Variants in ANK2 observed in about 807,000 individuals in gnomAD.
The protein encoded by ANK2 is ankyrin 2, also known as ankyrin-2.
Under a neutral mutation model 360.5 loss-of-function variants are expected in ANK2, and 83 were observed. The observed-to-expected ratio is 0.23, with a 90% CI of 0.19 to 0.28. The LOEUF is 0.28. Among genes scored for constraint, ANK2 ranks in the 10% least tolerant of loss-of-function variants. ANK2 has a pLI of 1.00. For synonymous variants in ANK2, 1,740 were observed against 1,759.5 expected (o/e 0.99, Z 0.28); for missense variants, 4,201 against 4,795.7 (o/e 0.88, Z 3.66).
At chr4:113,327,959 T>G (rs1435225638) in intron 26 of ANK2, among the ~76,000 whole-genome samples, 1 of 152,222 alleles carries the variant, frequency 6.6e-6, no homozygotes, top group African/African-American at 2.4e-5. Context: ...AACCTGTAGT[T>G]ACTTAAACAT....
At chr4:112,771,244 C>G in the ANK2 span, among the ~76,000 whole-genome samples, 1 of 152,156 alleles carries the variant, frequency 6.6e-6, no homozygotes, top group Non-Finnish European at 1.5e-5. Flanking sequence ...TCCCTAGTAG[C>G]TGGGATTACA....
intron 1 of ANK2, chr4:112,881,617 A>G: frequency 3.0e-6 from 1 of 335,456 alleles, no homozygotes; most frequent in Non-Finnish European, 5.4e-6. Flanking sequence ...TAAAAAATGT[A>G]CATTAAAACT....
At chr4:112,773,198 T>A in the ANK2 span, among the ~76,000 whole-genome samples, 1 of 152,098 alleles carries the variant, frequency 6.6e-6, no homozygotes, top group South Asian at 2.1e-4. Context: ...ATGCCTATAG[T>A]CCCAGCTACT....
In ANK2 at chr4:113,318,589, G is replaced by A. The variant is rs756861229; in HGVS notation, c.2869G>A (p.Val957Met). The A allele has an allele frequency of 2.7e-5, 43 of 1,613,370 alleles. No homozygotes were observed. Among genetic ancestry groups the A allele is most frequent in the South Asian group, 1.4e-4 (13 of 90,904 alleles). ...CTGGGGCACTGAGAACTTAGACAACGTGGCTCTTTCTTCTAGTCCTATTCA... is the reference window on the plus strand; with the variant it reads ...CTGGGGCACTGAGAACTTAGACAACATGGCTCTTTCTTCTAGTCCTATTCA... The part of the protein sequence containing the change: ...LSWGTENLDN[V>M]ALSSSPIHSG... Residue 957 changes from valine to methionine, a missense_variant, in exon 26 of 46, where the codon GTG becomes ATG. By Grantham distance (21) the Val-to-Met change is conservative. Around this residue, in one of 4 missense-constraint regions of ANK2, gnomAD observed 1,268 missense variants for 1,650.8 expected, o/e 0.77. Coordinates refer to ENST00000357077, the MANE Select transcript of ANK2 (RefSeq NM_001148.6).
intron 1 of ANK2, among the ~76,000 whole-genome samples, chr4:113,091,349 A>G (rs868554671): frequency 6.6e-6 from 1 of 152,214 alleles, no homozygotes; most frequent in Admixed American, 6.5e-5. Flanking sequence ...ATTTAGGCAA[A>G]CTAACTAAAT....
the ANK2 span, among the ~76,000 whole-genome samples, chr4:112,761,453 T>C: frequency 1.3e-5 from 2 of 152,084 alleles, no homozygotes; most frequent in South Asian, 4.1e-4. Flanking sequence ...ACCCCGTCTC[T>C]ACTAAAAATA....
In ANK2 at chr4:112,875,955, A is replaced by C. The variant is rs76927602; in HGVS notation, c.-39-28500A>C. On this transcript the variant is annotated intron_variant, in intron 1 of 30. Transcript: ENST00000503271. The stretch of plus-strand genomic sequence containing the variant: ...TTTTTTTTAGAGACAAAGTCTCGCC[A>C]TGTTTTCCAGGCTGGTCTTGAACTC... 7.1e-3 allele frequency among the ~76,000 whole-genome samples: 1,023 copies of C among 143,228 alleles called. 13 individuals are homozygous for C. The highest frequency in any genetic ancestry group is 0.025 in the African/African-American group (975 of 38,478). The allele number at this position is 143,228 out of a possible 152,430, so 94.0% of individuals were successfully genotyped here. A position where few individuals can be genotyped will look rare whatever the true frequency, so the allele number is the denominator to read the frequency against.
At chr4:112,944,187 C>A (rs1339243276) in intron 2 of ANK2, among the ~76,000 whole-genome samples, 2 of 152,114 alleles carry the variant, frequency 1.3e-5, no homozygotes, top group Non-Finnish European at 2.9e-5. Flanking sequence ...GGCATGCATC[C>A]ATTTATTATG....
At chr4:112,874,494 T>TAG (rs1426066491) in intron 1 of ANK2, among the ~76,000 whole-genome samples, 1 of 151,122 alleles carries the variant, frequency 6.6e-6, no homozygotes, top group Admixed American at 6.6e-5. Context: ...TACAAAAAAT[T>TAG]AGCTGGGTGT....
intron 1 of ANK2, among the ~76,000 whole-genome samples, chr4:112,820,000 A>G (rs2056542884): frequency 1.3e-5 from 2 of 152,222 alleles, no homozygotes; most frequent in African/African-American, 4.8e-5. Context: ...GGGCACATGG[A>G]TTCCTCGGTC....
chr4:112,959,024 A>G (rs1196748680), intron 2 of ANK2, among the ~76,000 whole-genome samples: 1 of 151,968 alleles, frequency 6.6e-6, no homozygotes, highest in East Asian at 1.9e-4. Flanking sequence ...GATTTTTTGT[A>G]TTTTTAGTAG....
the ANK2 span, among the ~76,000 whole-genome samples, chr4:112,759,297 G>T: frequency 6.6e-6 from 1 of 151,954 alleles, no homozygotes; most frequent in Non-Finnish European, 1.5e-5. Flanking sequence ...CACTGTGCCT[G>T]TAAATAAAAA....
rs1374278195 is a variant in ANK2, at chr4:113,357,638, A to G, written c.9020A>G (p.Gln3007Arg). 5.6e-6 allele frequency: 9 copies of G among 1,614,136 alleles called. No individual in the cohort carries two copies. The highest frequency in any genetic ancestry group is 7.6e-6 in the Non-Finnish European group (9 of 1,179,982). The change falls in exon 38 of 46, where the codon CAA becomes CGA. Residue 3007 changes from glutamine (Q) to arginine (R), a missense_variant. Gln to Arg is a conservative substitution (Grantham distance 43). Transcript: ENST00000357077. ...SQQESTLWEMQSDSVSSSFEP... is the reference protein window; with the variant it reads ...SQQESTLWEMRSDSVSSSFEP... ...CAGGAAAGTACCTTGTGGGAAATGC[A>G]ATCAGACAGTGTCTCTTCATCTTTC...
intron 2 of ANK2, among the ~76,000 whole-genome samples, chr4:113,010,497 C>T (rs1045749910): frequency 6.6e-6 from 1 of 152,126 alleles, no homozygotes; most frequent in Non-Finnish European, 1.5e-5. Context: ...ATGCTGGGAA[C>T]ACTGAAGTGA....
intron 1 of ANK2, among the ~76,000 whole-genome samples, chr4:113,092,996 A>G (rs1334768198): frequency 6.6e-6 from 1 of 152,206 alleles, no homozygotes; most frequent in Non-Finnish European, 1.5e-5. Context: ...TGGGAATTAC[A>G]CAGACTAAAC....
At chr4:113,184,658 T>C (rs1363265829) in intron 2 of ANK2, among the ~76,000 whole-genome samples, 2 of 152,190 alleles carry the variant, frequency 1.3e-5, no homozygotes, top group African/African-American at 2.4e-5. Flanking sequence ...AGCTGAGATT[T>C]TGCCAACTGA....
At chr4:112,904,455 G>T in exon 2 of ANK2, 1 of 1,429,564 alleles carries the variant, frequency 7.0e-7, no homozygotes, top group Non-Finnish European at 9.5e-7. Flanking sequence ...ATCCTTTTAG[G>T]TAAGTAATGA....
chr4:112,745,077 T>C, the ANK2 span, among the ~76,000 whole-genome samples: 21 of 152,346 alleles, frequency 1.4e-4, no homozygotes, highest in East Asian at 4.0e-3. Flanking sequence ...AATTCATTTA[T>C]CATATGTTTT....
At chr4:112,956,032 A>G (rs1017656261) in intron 2 of ANK2, among the ~76,000 whole-genome samples, 8 of 152,228 alleles carry the variant, frequency 5.3e-5, no homozygotes, top group African/African-American at 1.9e-4. Flanking sequence ...CATTTTATAC[A>G]GTAGTCCCCT....
Sources: allele counts gnomAD v4.1 joint callset (sites outside exome capture counted in the v4.1 genomes callset), GRCh38; gene constraint gnomAD v4.1.1; regional missense constraint gnomAD v4.1.1; transcripts MANE v1.5; gene names NCBI Gene and HGNC (gene_info 2026-07-23, HGNC 2026-07-21).